Variants in HLF observed in about 807,000 individuals in gnomAD.
HLF encodes the protein HLF transcription factor, PAR bZIP family member, also known as hepatic leukemia factor.
A neutral mutation model predicts 22.6 loss-of-function variants in HLF; 3 were observed. That is an observed-to-expected ratio of 0.13 (90% confidence interval 0.06 to 0.34). The LOEUF (loss-of-function observed/expected upper bound fraction) is 0.34. Ranked by LOEUF, HLF falls within the 10% of genes least tolerant of loss-of-function variation. The pLI, the probability that HLF is intolerant of heterozygous loss-of-function variation, is 1.00. For missense variants in HLF, 299 were observed against 389.2 expected, an observed-to-expected ratio of 0.77 and a Z score of 1.95; for synonymous variants, 151 against 151.8, an observed-to-expected ratio of 0.99 and a Z score of 0.04.
chr17:55,290,455 T>C (rs2081050864), intron 2 of HLF, among the ~76,000 whole-genome samples: 2 of 152,236 alleles, frequency 1.3e-5, no homozygotes, highest in African/African-American at 4.8e-5. Flanking sequence ...TTATATGTGC[T>C]ATGTTGATCT....
At chr17:55,315,130 C>A in intron 2 of HLF, 97 bp from the exon 3 acceptor site, 1 of 844,654 alleles carries the variant, frequency 1.2e-6, no homozygotes, top group Non-Finnish European at 2.0e-6. Flanking sequence ...TATAAGTGAG[C>A]TGAAGACTCT....
chr17:55,273,112 G>C (rs1029986783), intron 2 of HLF: 1 of 152,250 alleles, frequency 6.6e-6, no homozygotes, highest in African/African-American at 2.4e-5. Context: ...GGAAAGCAAG[G>C]CAACTTGGTG....
chr17:55,304,279 C>T (rs1442919560), intron 2 of HLF, among the ~76,000 whole-genome samples: 2 of 152,152 alleles, frequency 1.3e-5, no homozygotes, highest in East Asian at 3.9e-4. Flanking sequence ...ACGGTGACCC[C>T]ACATGTCTGG....
intron 2 of HLF, among the ~76,000 whole-genome samples, chr17:55,284,427 C>T (rs59688920): frequency 0.03 from 4,512 of 152,304 alleles, 239 homozygotes; most frequent in African/African-American, 0.1. Context: ...TTTCCAGTAA[C>T]TGCACTTGAG....
At chr17:55,266,098 C>G (rs1247855954) in intron 1 of HLF, 1 of 151,256 alleles carries the variant, frequency 6.6e-6, no homozygotes, top group Non-Finnish European at 1.5e-5. Context: ...ATTTGGAACT[C>G]ACGAGGTGTG....
At chr17:55,291,845 A>G (rs2081065626) in intron 2 of HLF, among the ~76,000 whole-genome samples, 1 of 152,276 alleles carries the variant, frequency 6.6e-6, no homozygotes, top group Admixed American at 6.5e-5. Context: ...AATTAACTCC[A>G]ACATAAACTG....
intron 2 of HLF, among the ~76,000 whole-genome samples, chr17:55,292,892 A>G (rs529005748): frequency 6.6e-6 from 1 of 152,362 alleles, no homozygotes; most frequent in East Asian, 1.9e-4. Flanking sequence ...AGCCATTCAC[A>G]GGAAGACAAA....
intron 2 of HLF, among the ~76,000 whole-genome samples, chr17:55,269,949 A>G (rs1237699356): frequency 2.0e-5 from 3 of 152,232 alleles, no homozygotes; most frequent in Admixed American, 6.5e-5. Context: ...TAGGAATACT[A>G]TATTTTTTCC....
At chr17:55,279,743 A>C (rs2080937043) in intron 2 of HLF, among the ~76,000 whole-genome samples, 1 of 152,216 alleles carries the variant, frequency 6.6e-6, no homozygotes, top group Admixed American at 6.5e-5. Context: ...AGTGAATAGC[A>C]AAAGAATTTT....
At chr17:55,287,693 C>T (rs960008822) in intron 2 of HLF, among the ~76,000 whole-genome samples, 46 of 152,312 alleles carry the variant, frequency 3.0e-4, no homozygotes, top group African/African-American at 1.0e-3. Flanking sequence ...TTCAATCCTG[C>T]AAGATTTTCT....
At chr17:55,307,606 A>C (rs1174789309) in intron 2 of HLF, among the ~76,000 whole-genome samples, 1 of 152,142 alleles carries the variant, frequency 6.6e-6, no homozygotes, top group Non-Finnish European at 1.5e-5. Flanking sequence ...AAGAATTAAA[A>C]TTTGCCCCTG....
chr17:55,313,501 G>A (rs551225761), intron 2 of HLF, among the ~76,000 whole-genome samples: 19 of 152,184 alleles, frequency 1.2e-4, no homozygotes, highest in African/African-American at 4.3e-4. Flanking sequence ...GTATTAAGAG[G>A]TGTTACATGA....
Position 55,265,341 on chromosome 17 carries a change from G to A in HLF, c.-144G>A. 1 of 605,310 alleles carries A rather than the reference G, an allele frequency of 1.7e-6. No homozygotes were observed. The highest frequency in any genetic ancestry group is 2.0e-5 in the South Asian group (1 of 49,680). 37.5% of individuals were successfully genotyped at this position (605,310 alleles called of 1,614,324 possible). Reference sequence around the variant, plus strand: ...TGCAGATGTATTTATAAAGATATAAGTAATTTTTTTCTTCCCTTTTCTCCA... The same window carrying A: ...TGCAGATGTATTTATAAAGATATAAATAATTTTTTTCTTCCCTTTTCTCCA... On this transcript the variant is annotated 5_prime_UTR_variant, in exon 1 of 4. Transcript: ENST00000226067.
At chr17:55,286,966 A>C (rs2081009686) in intron 2 of HLF, among the ~76,000 whole-genome samples, 1 of 152,186 alleles carries the variant, frequency 6.6e-6, no homozygotes, top group Admixed American at 6.5e-5. Context: ...CTTACTCTGC[A>C]GAAGGGAGGT....
chr17:55,276,546 A>AAGG, intron 2 of HLF, among the ~76,000 whole-genome samples: 1 of 152,164 alleles, frequency 6.6e-6, no homozygotes, highest in East Asian at 1.9e-4. Flanking sequence ...ATGGGCCCGG[A>AAGG]AGGAGGGGTG....
chr17:55,291,519 G>T (rs2081061403), intron 2 of HLF, among the ~76,000 whole-genome samples: 1 of 152,180 alleles, frequency 6.6e-6, no homozygotes, highest in African/African-American at 2.4e-5. Context: ...AAGACCTACT[G>T]CTCAGGAAAA....
At position 55,305,033 on chromosome 17, in the gene HLF, G is replaced by A. The variant is rs143408327; in HGVS notation, c.452-10194G>A. Among the ~76,000 whole-genome samples, 301 of 152,310 alleles carry A rather than the reference G, an allele frequency of 2.0e-3. 4 individuals are homozygous for A. Among genetic ancestry groups the A allele is most frequent in the African/African-American group, 6.8e-3 (282 of 41,560 alleles). On this transcript the variant is annotated intron_variant, in intron 2 of 3. Transcript: ENST00000226067. ...AAATGTCTGTCTGCCCAAACCAAAC[G>A]TTAATTTGCATACTAATAGTTTAAG...
chr17:55,312,999 C>T (rs1288721671), intron 2 of HLF, among the ~76,000 whole-genome samples: 3 of 152,080 alleles, frequency 2.0e-5, no homozygotes, highest in Non-Finnish European at 2.9e-5. Context: ...TGGGGAGAAA[C>T]GGGACCTGGT....
At chr17:55,307,917 T>C (rs530693789) in intron 2 of HLF, among the ~76,000 whole-genome samples, 1 of 152,058 alleles carries the variant, frequency 6.6e-6, no homozygotes, top group East Asian at 1.9e-4. Flanking sequence ...GGAATTGGCA[T>C]TTATGCTAAT....
Sources: gnomAD v4.1 joint callset for allele counts (sites outside exome capture counted in the v4.1 genomes callset) on GRCh38, gnomAD v4.1.1 for gene constraint, MANE v1.5 for transcripts, NCBI Gene and HGNC (gene_info 2026-07-23, HGNC 2026-07-21) for gene names.